ZFYVE26: variants seen among roughly 807,000 people sequenced by gnomAD.
The protein encoded by ZFYVE26 is zinc finger FYVE domain-containing protein 26.
Under a neutral mutation model 276.5 loss-of-function variants are expected in ZFYVE26, and 181 were observed. The observed-to-expected ratio is 0.65, with a 90% CI of 0.58 to 0.74. The LOEUF is 0.74. Among genes scored for constraint, ZFYVE26 ranks in the 30% least tolerant of loss-of-function variants. The pLI is 0.00. For synonymous variants in ZFYVE26, 1,129 were observed against 1,203.1 expected, an observed-to-expected ratio of 0.94 and a Z score of 1.27; for missense variants, 2,821 against 3,097.9, an observed-to-expected ratio of 0.91 and a Z score of 2.12.
chr14:67,784,504 A>G lies in ZFYVE26; in HGVS notation c.3524-68T>C, dbSNP rs916823496. On this transcript the variant is annotated intron_variant, in intron 19 of 41. Transcript: ENST00000347230. Reference sequence around the variant, plus strand: ...GCAAGAGTTCAGAGCCCTGTTTCCCAGAATTGAGAAAAAAGTACAGTGTCA... The same window carrying G: ...GCAAGAGTTCAGAGCCCTGTTTCCCGGAATTGAGAAAAAAGTACAGTGTCA... 89 of 1,421,234 alleles carry G rather than the reference A, an allele frequency of 6.3e-5. No homozygotes were observed. In the South Asian group the frequency reaches 8.5e-4, roughly 14 times the overall value. 88.0% of individuals were successfully genotyped at this position (1,421,234 alleles called of 1,614,324 possible).
chr14:67,810,721 C>T (rs936628700), intron 3 of ZFYVE26, among the ~76,000 whole-genome samples: 3 of 152,144 alleles, frequency 2.0e-5, no homozygotes, highest in Non-Finnish European at 4.4e-5. Flanking sequence ...TCCCCTTTTC[C>T]AGACACAAAT....
chr14:67,766,442 G>T lies in ZFYVE26; in HGVS notation c.5796C>A (p.Pro1932=). 6.2e-7 allele frequency: 1 copy of T among 1,612,108 alleles called. No homozygotes were observed. The highest frequency in any genetic ancestry group is 8.5e-7 in the Non-Finnish European group (1 of 1,179,898). The change falls in exon 32 of 42, where the codon CCC becomes CCA. Residue 1932 remains proline, a synonymous_variant. Coordinates refer to ENST00000347230, the MANE Select transcript of ZFYVE26 (RefSeq NM_015346.4). ...GGATGGCAATGCACAAGGAGGCGCT[G>T]GGGGCCTGGCCGGGGTGGAAGAAGG... ...VRSEFYYEQA[P]SASLCIAILN...
chr14:67,751,233 T>C, intron 40 of ZFYVE26, 137 bp from the exon 41 acceptor site: 2 of 903,860 alleles, frequency 2.2e-6, no homozygotes, highest in Non-Finnish European at 3.6e-6. Context: ...CTCAAAGACA[T>C]GGGGTCTCAC....
At chr14:67,805,748 G>A in intron 6 of ZFYVE26, 130 bp from the exon 7 acceptor site, 2 of 1,125,310 alleles carry the variant, frequency 1.8e-6, no homozygotes, top group South Asian at 2.6e-5. Flanking sequence ...GGAGTGGTTG[G>A]CTGGGCGTAG....
intron 14 of ZFYVE26, among the ~76,000 whole-genome samples, chr14:67,791,293 C>A (rs1452970954): frequency 6.6e-6 from 1 of 152,136 alleles, no homozygotes; most frequent in African/African-American, 2.4e-5. Flanking sequence ...ATCACCTTGG[C>A]ACTATATATT....
At chr14:67,754,006 G>A (rs2038713289) in intron 38 of ZFYVE26, 65 bp downstream of exon 38, 1 of 1,611,042 alleles carries the variant, frequency 6.2e-7, no homozygotes, top group Admixed American at 1.7e-5. Flanking sequence ...CTAGACAACT[G>A]CAATTATGAT....
chr14:67,776,223 A>G, intron 25 of ZFYVE26, 117 bp from the exon 26 acceptor site: 1 of 1,400,544 alleles, frequency 7.1e-7, no homozygotes, highest in Non-Finnish European at 9.9e-7. Flanking sequence ...ATAGCCAGCT[A>G]CTGAAACAGA....
chr14:67,754,264 T>C lies in ZFYVE26; in HGVS notation c.6987-52A>G, dbSNP rs1252008537. 5 of 1,612,474 alleles carry C rather than the reference T, an allele frequency of 3.1e-6. No individual in the cohort carries two copies. In the African/African-American group the frequency reaches 6.7e-5, roughly 22 times the overall value. On this transcript the variant is annotated intron_variant, in intron 37 of 41. Coordinates refer to ENST00000347230, the MANE Select transcript of ZFYVE26 (RefSeq NM_015346.4). ...AGCCTCATGAGGGGCCCCAGGTGAC[T>C]GAGGCCAGGAGACTGAGAAGTCGAA... is the stretch of plus-strand genomic sequence containing the variant.
At chr14:67,782,289 T>C (rs1162561357) in intron 21 of ZFYVE26, among the ~76,000 whole-genome samples, 3 of 152,216 alleles carry the variant, frequency 2.0e-5, no homozygotes, top group Admixed American at 6.5e-5. Flanking sequence ...CAATCTGCTT[T>C]TATAATACAG....
At chr14:67,803,168 C>A (rs968008594) in intron 9 of ZFYVE26, among the ~76,000 whole-genome samples, 9 of 152,002 alleles carry the variant, frequency 5.9e-5, no homozygotes, top group Non-Finnish European at 8.8e-5. Context: ...CTAGCCTGGG[C>A]AACATAGCAA....
chr14:67,761,120 T>C, intron 35 of ZFYVE26: 1 of 648,604 alleles, frequency 1.5e-6, no homozygotes, highest in South Asian at 1.8e-5. Context: ...CTGCATGTTT[T>C]GGCAGAAGGA....
In ZFYVE26 at chr14:67,809,368, A is replaced by C. The variant is rs1016816723; in HGVS notation, c.274-79T>G. On this transcript the variant is annotated intron_variant, in intron 3 of 41. Coordinates refer to ENST00000347230, the MANE Select transcript of ZFYVE26 (RefSeq NM_015346.4). ...AAATTATAATTAAATATTTCTGTCCAGTTAGTCTTATTTCTGCTATTTCTC... is the reference window on the plus strand; with the variant it reads ...AAATTATAATTAAATATTTCTGTCCCGTTAGTCTTATTTCTGCTATTTCTC... The C allele has an allele frequency of 4.1e-5, 43 of 1,046,656 alleles. 1 individual carries two copies. The highest frequency in any genetic ancestry group is 5.8e-5 in the Non-Finnish European group (40 of 693,728). 64.8% of individuals were successfully genotyped at this position (1,046,656 alleles called of 1,614,324 possible).
intron 10 of ZFYVE26, among the ~76,000 whole-genome samples, chr14:67,799,801 T>C (rs2040042272): frequency 3.3e-5 from 5 of 152,116 alleles, no homozygotes; most frequent in Admixed American, 3.3e-4. Flanking sequence ...GCACTTGACA[T>C]TGTGTGAGGT....
intron 3 of ZFYVE26, among the ~76,000 whole-genome samples, chr14:67,812,323 G>T (rs2040319124): frequency 6.6e-6 from 1 of 152,144 alleles, no homozygotes; most frequent in Non-Finnish European, 1.5e-5. Flanking sequence ...TACACATGGA[G>T]AGATACATCT....
chr14:67,780,681 T>G (rs1254622572), intron 22 of ZFYVE26, among the ~76,000 whole-genome samples: 1 of 152,192 alleles, frequency 6.6e-6, no homozygotes, highest in East Asian at 1.9e-4. Context: ...TTCTTCTGGC[T>G]TGAATGCTCT....
downstream of ZFYVE26, among the ~76,000 whole-genome samples, chr14:67,744,299 TG>T (rs1267660221): frequency 6.6e-6 from 1 of 152,242 alleles, no homozygotes; most frequent in Non-Finnish European, 1.5e-5. Context: ...CAACTTTCTC[TG>T]TTGTGACATA....
chr14:67,775,271 T>G (rs867498386), intron 26 of ZFYVE26, among the ~76,000 whole-genome samples, 157 bp from the exon 27 acceptor site: 1 of 152,172 alleles, frequency 6.6e-6, no homozygotes, highest in African/African-American at 2.4e-5. Flanking sequence ...TCTAAGCCCA[T>G]AGCACGCATG....
chr14:67,730,429 G>A lies in ZFYVE26; in HGVS notation n.2680-610C>T, dbSNP rs373728957. On this transcript the variant is annotated intron_variant and non_coding_transcript_variant, in intron 13 of 14. Transcript: ENST00000394455. ...TTGAGCATCACAAATCTGAAAATTC[G>A]GAGTCCGGAATATTTCAGTAAGCAT... Among the ~76,000 whole-genome samples, 4 of 152,062 alleles carry A rather than the reference G, an allele frequency of 2.6e-5. No homozygotes were observed. The East Asian group carries it at 5.8e-4, about 22-fold the overall frequency.
chr14:67,753,131 C>G (rs2038692633), intron 39 of ZFYVE26, among the ~76,000 whole-genome samples: 1 of 152,158 alleles, frequency 6.6e-6, no homozygotes, highest in Non-Finnish European at 1.5e-5. Context: ...GACACACTCA[C>G]AATGCATAAA....
Sources: gnomAD v4.1 joint callset for allele counts (sites outside exome capture counted in the v4.1 genomes callset) on GRCh38, gnomAD v4.1.1 for gene constraint, MANE v1.5 for transcripts, NCBI Gene and HGNC (gene_info 2026-07-23, HGNC 2026-07-21) for gene names.